Variants in PTPRG observed in about 807,000 individuals in gnomAD.
PTPRG encodes receptor-type tyrosine-protein phosphatase gamma.
In PTPRG, 102 loss-of-function variants were observed where a neutral mutation model predicts 165.3. That is an observed-to-expected ratio of 0.62 (90% CI 0.53 to 0.73). The LOEUF is 0.73. Among genes scored for constraint, PTPRG ranks in the 30% least tolerant of loss-of-function variants. The pLI is 0.00. For synonymous variants in PTPRG, 675 were observed against 669.5 expected, an observed-to-expected ratio of 1.01 and a Z score of -0.13; for missense variants, 1,866 against 1,861.4, an observed-to-expected ratio of 1.00 and a Z score of -0.05.
At chr3:61,874,924 A>G (rs1350788671) in intron 2 of PTPRG, among the ~76,000 whole-genome samples, 2 of 152,212 alleles carry the variant, frequency 1.3e-5, no homozygotes, top group Non-Finnish European at 2.9e-5. Flanking sequence ...TCTTATGTAG[A>G]GCTGGAGACA....
At chr3:61,997,437 T>C (rs984681443) in intron 3 of PTPRG, among the ~76,000 whole-genome samples, 4 of 152,174 alleles carry the variant, frequency 2.6e-5, no homozygotes, top group Non-Finnish European at 5.9e-5. Context: ...CATCCTGCTC[T>C]CTGGGTACCT....
At chr3:61,758,065 T>C (rs2033691874) in intron 2 of PTPRG, among the ~76,000 whole-genome samples, 1 of 152,198 alleles carries the variant, frequency 6.6e-6, no homozygotes, top group African/African-American at 2.4e-5. Flanking sequence ...TCTTTTTTCT[T>C]TCTTTTTTTC....
At chr3:61,605,006 A>G (rs1559520778) in intron 1 of PTPRG, among the ~76,000 whole-genome samples, 2 of 152,194 alleles carry the variant, frequency 1.3e-5, no homozygotes, top group African/African-American at 2.4e-5. Flanking sequence ...CTGACGAGGT[A>G]GCCCAGGTCT....
chr3:62,121,864 T>C (rs75462349), intron 5 of PTPRG, among the ~76,000 whole-genome samples: 9 of 152,324 alleles, frequency 5.9e-5, no homozygotes, highest in Non-Finnish European at 1.0e-4. Context: ...GAACAAACTT[T>C]CTGGTTTTCC....
At chr3:61,798,913 G>C (rs2035146398) in intron 2 of PTPRG, among the ~76,000 whole-genome samples, 1 of 152,114 alleles carries the variant, frequency 6.6e-6, no homozygotes, top group African/African-American at 2.4e-5. Context: ...GTGCGGTACA[G>C]AGCCAGCCTT....
chr3:62,019,922 C>A (rs1453175209), intron 4 of PTPRG, among the ~76,000 whole-genome samples: 2 of 151,982 alleles, frequency 1.3e-5, no homozygotes, highest in Admixed American at 6.6e-5. Context: ...CCACAAAAAC[C>A]TCTATCTCTA....
chr3:61,719,593 G>T (rs1329044987), intron 1 of PTPRG, among the ~76,000 whole-genome samples: 1 of 152,168 alleles, frequency 6.6e-6, no homozygotes, highest in Non-Finnish European at 1.5e-5. Flanking sequence ...CTAACTGGTG[G>T]CTGGCCCTTT....
chr3:62,124,519 A>G (rs1429635191), intron 5 of PTPRG: 1 of 1,565,388 alleles, frequency 6.4e-7, no homozygotes, highest in African/African-American at 1.4e-5. Flanking sequence ...TCATCAGGTC[A>G]TCCACCGGGG....
chr3:61,906,824 TAGG>T (rs1430543292), intron 2 of PTPRG, among the ~76,000 whole-genome samples: 1 of 150,094 alleles, frequency 6.7e-6, no homozygotes, highest in African/African-American at 2.5e-5. Context: ...GGTAGGTAGG[TAGG>T]TAGAATTGTG....
intron 1 of PTPRG, among the ~76,000 whole-genome samples, chr3:61,610,867 C>T (rs1428271860): frequency 6.7e-6 from 1 of 150,160 alleles, no homozygotes; most frequent in East Asian, 2.0e-4. Context: ...AGTGCAATTG[C>T]ACTATCTTGG....
chr3:61,749,021 T>G, intron 2 of PTPRG, 39 bp downstream of exon 2: 1 of 1,492,318 alleles, frequency 6.7e-7, no homozygotes, highest in East Asian at 2.3e-5. Context: ...CACAGGCCAG[T>G]TAACATCCCA....
At chr3:61,999,048 C>CT (rs1248989089) in intron 3 of PTPRG, among the ~76,000 whole-genome samples, 2 of 152,078 alleles carry the variant, frequency 1.3e-5, no homozygotes, top group African/African-American at 2.4e-5. Flanking sequence ...CTGGAGGCCT[C>CT]TTTTTTTCTT....
intron 6 of PTPRG, among the ~76,000 whole-genome samples, chr3:62,149,270 CTTTT>C (rs11463679): frequency 2.2e-5 from 3 of 137,988 alleles, no homozygotes; most frequent in Non-Finnish European, 3.1e-5. Flanking sequence ...AGGGAGGCCT[CTTTT>C]TTTTTTTTTT....
intron 1 of PTPRG, among the ~76,000 whole-genome samples, chr3:61,683,856 G>C (rs992150378): frequency 6.6e-6 from 1 of 152,190 alleles, no homozygotes; most frequent in Non-Finnish European, 1.5e-5. Flanking sequence ...CCTCCCATTC[G>C]AGTCTAGGCG....
intron 4 of PTPRG, among the ~76,000 whole-genome samples, chr3:62,058,173 C>T (rs1038233041): frequency 3.3e-5 from 5 of 152,218 alleles, no homozygotes; most frequent in South Asian, 2.1e-4. Context: ...GAAAGCAGGA[C>T]GGAAAATTGT....
chr3:61,690,192 A>C (rs916655856), intron 1 of PTPRG, among the ~76,000 whole-genome samples: 6 of 152,218 alleles, frequency 3.9e-5, no homozygotes, highest in African/African-American at 1.2e-4. Flanking sequence ...CTTTCATTGC[A>C]TGCGGCAGAT....
intron 1 of PTPRG, among the ~76,000 whole-genome samples, chr3:61,705,037 G>C (rs2031176736): frequency 6.6e-6 from 1 of 152,204 alleles, no homozygotes; most frequent in South Asian, 2.1e-4. Context: ...CAGCCTGCTA[G>C]AGGTGTGAAC....
At chr3:61,849,262 C>A (rs2036892473) in intron 2 of PTPRG, among the ~76,000 whole-genome samples, 1 of 152,124 alleles carries the variant, frequency 6.6e-6, no homozygotes, top group Admixed American at 6.5e-5. Flanking sequence ...AAAACCATGG[C>A]CACAATTAAT....
chr3:61,974,615 G>A (rs1346862438), intron 2 of PTPRG, among the ~76,000 whole-genome samples: 5 of 152,040 alleles, frequency 3.3e-5, no homozygotes, highest in East Asian at 1.9e-4. Flanking sequence ...GTGACTGACT[G>A]TCTTTAGGCA....
Sources: allele counts gnomAD v4.1 joint callset (sites outside exome capture counted in the v4.1 genomes callset), GRCh38; gene constraint gnomAD v4.1.1; transcripts MANE v1.5; gene names NCBI Gene and HGNC (gene_info 2026-07-23, HGNC 2026-07-21).